ERH: variants seen among roughly 807,000 people sequenced by gnomAD.
The protein encoded by ERH is ERH mRNA splicing and mitosis factor, also known as enhancer of rudimentary homolog.
Under a neutral mutation model 16.8 loss-of-function variants are expected in ERH, and 1 was observed. That is an observed-to-expected ratio of 0.06 (90% CI 0.02 to 0.28). The LOEUF is 0.28. Ranked by LOEUF, ERH falls within the 10% of genes least tolerant of loss-of-function variation. The pLI is 1.00. For missense variants in ERH, 42 were observed against 127.5 expected (o/e 0.33, Z 3.23); for synonymous variants, 43 against 43.6 (o/e 0.99, Z 0.05).
intron 2 of ERH, among the ~76,000 whole-genome samples, chr14:69,389,686 C>T (rs1281463586): frequency 6.6e-6 from 1 of 152,010 alleles, no homozygotes; most frequent in South Asian, 2.1e-4. Context: ...TTTATAACAG[C>T]GTAAAAAAGA....
At chr14:69,395,713 G>A (rs1882318905) in intron 1 of ERH, among the ~76,000 whole-genome samples, 1 of 152,130 alleles carries the variant, frequency 6.6e-6, no homozygotes, top group African/African-American at 2.4e-5. Context: ...TAAAGCAGTA[G>A]ATAAATTAGC....
chr14:69,389,561 A>T (rs543148947), intron 2 of ERH, among the ~76,000 whole-genome samples: 1 of 152,348 alleles, frequency 6.6e-6, no homozygotes, highest in African/African-American at 2.4e-5. Context: ...ATAAAAATCT[A>T]TTAGAACTAA....
At chr14:69,387,860 C>T (rs539522006) in intron 2 of ERH, among the ~76,000 whole-genome samples, 3 of 152,180 alleles carry the variant, frequency 2.0e-5, no homozygotes, top group South Asian at 2.1e-4. Context: ...CTGGCCAACA[C>T]AGTGAAACCC....
rs142266592 is a variant in ERH at position 69,389,123 on chromosome 14, C to T, written c.92-2040G>A. On this transcript the variant is annotated intron_variant, in intron 2 of 3. Transcript: ENST00000557016. ...GCAACCTCTGCCTCCCGGATTCAAGCGATTCTCTTGCCTCAGGCTCAGCCT... is the reference window on the plus strand; with the variant it reads ...GCAACCTCTGCCTCCCGGATTCAAGTGATTCTCTTGCCTCAGGCTCAGCCT... Among the ~76,000 whole-genome samples, 12 of 152,084 alleles carry T rather than the reference C, an allele frequency of 7.9e-5. No homozygotes were observed. In the East Asian group the frequency reaches 1.9e-3, roughly 25 times the overall value.
intron 1 of ERH, among the ~76,000 whole-genome samples, chr14:69,397,739 T>C (rs1451084220): frequency 6.6e-6 from 1 of 152,022 alleles, no homozygotes; most frequent in Non-Finnish European, 1.5e-5. Flanking sequence ...GCCAACATGG[T>C]GAAACGCCGT....
chr14:69,381,153 C>T (rs897355494), intron 3 of ERH, among the ~76,000 whole-genome samples: 4 of 152,072 alleles, frequency 2.6e-5, no homozygotes, highest in Admixed American at 6.5e-5. Context: ...TGGTGGTGCA[C>T]GCCTGTAGTC....
intron 2 of ERH, among the ~76,000 whole-genome samples, chr14:69,392,433 C>T (rs889379917): frequency 2.6e-5 from 4 of 152,214 alleles, no homozygotes; most frequent in South Asian, 2.1e-4. Context: ...AAGCCACACA[C>T]GATAATGATT....
chr14:69,384,343 T>C (rs2045879907), intron 3 of ERH, among the ~76,000 whole-genome samples: 1 of 152,254 alleles, frequency 6.6e-6, no homozygotes, highest in South Asian at 2.1e-4. Context: ...TAGATTTGTC[T>C]GAATTTTACA....
chr14:69,392,615 C>A (rs2140233457), intron 2 of ERH, among the ~76,000 whole-genome samples: 1 of 152,300 alleles, frequency 6.6e-6, no homozygotes, highest in East Asian at 1.9e-4. Context: ...ACACATGACA[C>A]TGCGCATTTG....
intron 2 of ERH, 66 bp downstream of exon 2, chr14:69,394,759 T>A: frequency 8.3e-7 from 1 of 1,209,930 alleles, no homozygotes; most frequent in Non-Finnish European, 1.2e-6. Context: ...AAAAAAAAAT[T>A]TGGAGGGGAA....
chr14:69,386,694 A>C (rs1027361531), intron 3 of ERH: 11 of 279,478 alleles, frequency 3.9e-5, no homozygotes, highest in Admixed American at 2.5e-4. Flanking sequence ...AATTAGGTAT[A>C]AGGAACAAAG....
chr14:69,382,227 T>A (rs2045867302), intron 3 of ERH, among the ~76,000 whole-genome samples: 1 of 152,246 alleles, frequency 6.6e-6, no homozygotes, highest in Non-Finnish European at 1.5e-5. Context: ...ATCTGGTTTA[T>A]TAAAAATGTA....
chr14:69,381,665 C>G (rs1299089999), intron 3 of ERH, among the ~76,000 whole-genome samples: 1 of 152,016 alleles, frequency 6.6e-6, no homozygotes, highest in East Asian at 1.9e-4. Flanking sequence ...TACAATTATC[C>G]TCACTTCCCA....
At chr14:69,397,126 G>T (rs12895620) in intron 1 of ERH, among the ~76,000 whole-genome samples, 4 of 151,998 alleles carry the variant, frequency 2.6e-5, no homozygotes, top group African/African-American at 9.7e-5. Flanking sequence ...ACTATTTTCA[G>T]TACTTACTGC....
At chr14:69,390,989 C>A (rs192173943) in intron 2 of ERH, among the ~76,000 whole-genome samples, 61 of 152,290 alleles carry the variant, frequency 4.0e-4, no homozygotes, top group African/African-American at 1.3e-3. Flanking sequence ...ACACCAAATG[C>A]TGGTAAGGAT....
intron 2 of ERH, among the ~76,000 whole-genome samples, chr14:69,389,565 G>A (rs949884320): frequency 5.6e-4 from 85 of 152,222 alleles, no homozygotes; most frequent in African/African-American, 1.9e-3. Flanking sequence ...AAATCTATTA[G>A]AACTAAGAAA....
At chr14:69,397,996 A>G (rs1263993827) in intron 1 of ERH, 1 of 606,584 alleles carries the variant, frequency 1.6e-6, no homozygotes. Flanking sequence ...GGCCCAAGGC[A>G]CGCCGGACCC....
At chr14:69,383,217 C>T (rs537051264) in intron 3 of ERH, among the ~76,000 whole-genome samples, 1 of 152,292 alleles carries the variant, frequency 6.6e-6, no homozygotes, top group East Asian at 1.9e-4. Flanking sequence ...ATACGAAATA[C>T]AAATTTTCAT....
intron 2 of ERH, among the ~76,000 whole-genome samples, chr14:69,390,007 C>G (rs2045915031): frequency 6.6e-6 from 1 of 151,836 alleles, no homozygotes; most frequent in South Asian, 2.1e-4. Context: ...AATCCGCTCA[C>G]CTTGGCCTCC....
Sources: gnomAD v4.1 joint callset for allele counts (sites outside exome capture counted in the v4.1 genomes callset) on GRCh38, gnomAD v4.1.1 for gene constraint, MANE v1.5 for transcripts, NCBI Gene and HGNC (gene_info 2026-07-23, HGNC 2026-07-21) for gene names.